The following PEX5L variants were observed in gnomAD, a reference collection of about 807,000 sequenced individuals.
PEX5L encodes the protein peroxisomal biogenesis factor 5 like.
A neutral mutation model predicts 84.0 loss-of-function variants in PEX5L; 30 were observed. The observed-to-expected ratio is 0.36, with a 90% confidence interval of 0.27 to 0.48. The LOEUF (loss-of-function observed/expected upper bound fraction) is 0.48, where lower values mean the gene tolerates loss of function less well. Ranked by LOEUF, PEX5L falls within the 20% of genes least tolerant of loss-of-function variation. The pLI is 0.99. For missense variants in PEX5L, 533 were observed against 754.6 expected, an observed-to-expected ratio of 0.71 and a Z score of 3.44; for synonymous variants, 270 against 283.1, an observed-to-expected ratio of 0.95 and a Z score of 0.46.
intron 1 of PEX5L, among the ~76,000 whole-genome samples, chr3:180,023,769 CACAG>C (rs1255030826): frequency 1.3e-4 from 19 of 149,422 alleles, no homozygotes; most frequent in Admixed American, 4.0e-4. Flanking sequence ...CACGCACACA[CACAG>C]AGAGAGAGAG....
At chr3:179,979,685 G>C (rs1174892748) in intron 1 of PEX5L, among the ~76,000 whole-genome samples, 3 of 152,060 alleles carry the variant, frequency 2.0e-5, no homozygotes, top group Non-Finnish European at 4.4e-5. Context: ...ACAGGAAAAA[G>C]GTAAATTGTG....
chr3:179,845,085 C>T (rs1229352060), intron 8 of PEX5L, among the ~76,000 whole-genome samples: 1 of 152,148 alleles, frequency 6.6e-6, no homozygotes, highest in African/African-American at 2.4e-5. Context: ...TAATCCTGTA[C>T]ATATTTGCAT....
At chr3:179,868,044 T>TC (rs57462506) in intron 7 of PEX5L, among the ~76,000 whole-genome samples, 49,415 of 126,778 alleles carry the variant, frequency 0.39, 9,867 homozygotes, top group East Asian at 0.76. Flanking sequence ...TTCTTCTTCT[T>TC]TTTTTTTTTT....
chr3:179,919,853 C>T (rs1355710477), intron 2 of PEX5L, among the ~76,000 whole-genome samples: 3 of 152,086 alleles, frequency 2.0e-5, no homozygotes, highest in Non-Finnish European at 2.9e-5. Context: ...TAGGTGTGTG[C>T]CACCATGCTC....
At chr3:179,982,826 G>A (rs1257274155) in intron 1 of PEX5L, among the ~76,000 whole-genome samples, 1 of 152,006 alleles carries the variant, frequency 6.6e-6, no homozygotes, top group Non-Finnish European at 1.5e-5. Flanking sequence ...GAGAGATGAA[G>A]CAAGGCTTTA....
chr3:179,821,970 G>T (rs976232895), intron 8 of PEX5L, among the ~76,000 whole-genome samples: 1 of 152,086 alleles, frequency 6.6e-6, no homozygotes, highest in East Asian at 1.9e-4. Flanking sequence ...AAAAAATAAG[G>T]TTAAACAACA....
intron 5 of PEX5L, among the ~76,000 whole-genome samples, chr3:179,877,961 CA>C (rs1752995767): frequency 6.6e-6 from 1 of 151,350 alleles, no homozygotes; most frequent in South Asian, 2.1e-4. Flanking sequence ...CCTTTCTTTA[CA>C]ATCTATCCCT....
intron 2 of PEX5L, among the ~76,000 whole-genome samples, chr3:179,922,595 C>T (rs918085276): frequency 1.3e-5 from 2 of 151,774 alleles, no homozygotes; most frequent in African/African-American, 4.8e-5. Context: ...ATTACAGGCA[C>T]GGGCCACCAT....
intron 3 of PEX5L, among the ~76,000 whole-genome samples, chr3:179,892,448 CT>C (rs1289684533): frequency 3.9e-5 from 6 of 152,136 alleles, no homozygotes; most frequent in African/African-American, 1.4e-4. Flanking sequence ...TAGACTGTGA[CT>C]TCCTTTAGAG....
At chr3:179,991,728 A>G (rs1787394583) in intron 1 of PEX5L, among the ~76,000 whole-genome samples, 1 of 152,160 alleles carries the variant, frequency 6.6e-6, no homozygotes, top group South Asian at 2.1e-4. Flanking sequence ...ATGTATAAAC[A>G]GGCATAGCTC....
intron 2 of PEX5L, among the ~76,000 whole-genome samples, chr3:179,915,743 C>A (rs1338499505): frequency 6.6e-6 from 1 of 152,116 alleles, no homozygotes; most frequent in Admixed American, 6.5e-5. Context: ...ACTTTGAAGC[C>A]TCCAGGAATA....
intron 8 of PEX5L, among the ~76,000 whole-genome samples, chr3:179,852,257 G>T (rs768736309): frequency 2.6e-5 from 4 of 152,142 alleles, no homozygotes; most frequent in African/African-American, 9.7e-5. Flanking sequence ...TCCCTCATGT[G>T]GTGTGGACAG....
intron 3 of PEX5L, among the ~76,000 whole-genome samples, chr3:179,889,896 A>C (rs1757082505): frequency 6.6e-6 from 1 of 152,222 alleles, no homozygotes; most frequent in Admixed American, 6.5e-5. Context: ...ATAAAAGTCA[A>C]TTTTATTATC....
intron 2 of PEX5L, among the ~76,000 whole-genome samples, chr3:179,957,351 G>C (rs1780840296): frequency 6.6e-6 from 1 of 152,134 alleles, no homozygotes; most frequent in African/African-American, 2.4e-5. Flanking sequence ...TAACAGGTAA[G>C]GCTCAGGGAG....
chr3:179,827,226 G>A lies in PEX5L; in HGVS notation c.823-7250C>T, dbSNP rs1330602383. On this transcript the variant is annotated intron_variant, in intron 8 of 14. Coordinates refer to ENST00000467460, the MANE Select transcript of PEX5L (RefSeq NM_016559.3). ...CAAATAGAACACAATGGGAATACCC[G>A]GGCGTGACTTTTGAGGCTAGGCCCT... 6.6e-5 allele frequency among the ~76,000 whole-genome samples: 10 copies of A among 152,256 alleles called. No individual in the cohort carries two copies. The East Asian group carries it at 9.6e-4, about 15-fold the overall frequency.
chr3:179,879,297 T>C (rs1753437882), intron 5 of PEX5L, among the ~76,000 whole-genome samples: 1 of 152,166 alleles, frequency 6.6e-6, no homozygotes, highest in Non-Finnish European at 1.5e-5. Context: ...GTGGAAAACA[T>C]ATGGGCTTTG....
chr3:180,015,908 TAAATAAAC>T (rs1301702776), intron 1 of PEX5L, among the ~76,000 whole-genome samples: 12 of 131,622 alleles, frequency 9.1e-5, no homozygotes, highest in East Asian at 8.0e-4. Context: ...TAATGTATAA[TAAATAAAC>T]AAAAGTGTAA....
At chr3:179,973,182 G>A (rs991749784) in intron 1 of PEX5L, 29 of 1,288,442 alleles carry the variant, frequency 2.3e-5, no homozygotes, top group Admixed American at 1.6e-4. Context: ...TGCATGACCC[G>A]GTTTCTGGAC....
intron 7 of PEX5L, among the ~76,000 whole-genome samples, chr3:179,868,008 C>G (rs1250844746): frequency 2.1e-5 from 3 of 145,402 alleles, no homozygotes; most frequent in Admixed American, 1.4e-4. Context: ...AGAACAAATG[C>G]TTTATTATTT....
Sources: gnomAD v4.1 joint callset for allele counts (sites outside exome capture counted in the v4.1 genomes callset) on GRCh38, gnomAD v4.1.1 for gene constraint, MANE v1.5 for transcripts, NCBI Gene and HGNC (gene_info 2026-07-23, HGNC 2026-07-21) for gene names.